XKR4: variants seen among roughly 807,000 people sequenced by gnomAD.
XKR4 encodes the protein XK related 4, also known as XK-related protein 4.
A neutral mutation model predicts 53.9 loss-of-function variants in XKR4; 12 were observed. That is an observed-to-expected ratio of 0.22 (90% CI 0.14 to 0.36). The LOEUF is 0.36. Among genes scored for constraint, XKR4 ranks in the 10% least tolerant of loss-of-function variants. XKR4 has a pLI of 1.00. For synonymous variants in XKR4, 354 were observed against 362.4 expected (o/e 0.98, Z 0.26); for missense variants, 799 against 859.5 (o/e 0.93, Z 0.88).
chr8:55,179,143 G>C (rs1339557863), intron 1 of XKR4, among the ~76,000 whole-genome samples: 2 of 152,080 alleles, frequency 1.3e-5, no homozygotes, highest in Non-Finnish European at 2.9e-5. Flanking sequence ...AAGTTTACTA[G>C]TAGAAAAAAA....
At chr8:55,194,104 C>G (rs1817476614) in intron 1 of XKR4, among the ~76,000 whole-genome samples, 1 of 152,228 alleles carries the variant, frequency 6.6e-6, no homozygotes, top group African/African-American at 2.4e-5. Context: ...GTGAGCCACT[C>G]TCTTTGAGTA....
intron 2 of XKR4, among the ~76,000 whole-genome samples, chr8:55,381,620 A>AC (rs1804234422): frequency 6.6e-6 from 1 of 152,000 alleles, no homozygotes; most frequent in Admixed American, 6.6e-5. Flanking sequence ...TTCTATCTGG[A>AC]CCCCCAGCCA....
intron 2 of XKR4, among the ~76,000 whole-genome samples, chr8:55,380,283 T>A (rs933459403): frequency 3.3e-5 from 5 of 152,122 alleles, no homozygotes; most frequent in African/African-American, 1.2e-4. Flanking sequence ...GGGAAAAAAA[T>A]CAGAAGACCG....
At chr8:55,492,092 T>C (rs544141344) in intron 2 of XKR4, among the ~76,000 whole-genome samples, 2 of 152,252 alleles carry the variant, frequency 1.3e-5, no homozygotes, top group South Asian at 4.2e-4. Flanking sequence ...TGTGCCACAG[T>C]TTAGAAGGTG....
chr8:55,475,474 T>A (rs1230890845), intron 2 of XKR4, among the ~76,000 whole-genome samples: 1 of 152,066 alleles, frequency 6.6e-6, no homozygotes, highest in Non-Finnish European at 1.5e-5. Flanking sequence ...TGGAGAGCAA[T>A]GGTGTGATCA....
chr8:55,259,039 T>C (rs1378328913), intron 1 of XKR4, among the ~76,000 whole-genome samples: 1 of 152,244 alleles, frequency 6.6e-6, no homozygotes, highest in African/African-American at 2.4e-5. Context: ...CAGGCATTCG[T>C]GTCCCTGCCT....
intron 1 of XKR4, among the ~76,000 whole-genome samples, chr8:55,230,641 T>C (rs1288930353): frequency 1.3e-5 from 2 of 152,242 alleles, no homozygotes; most frequent in African/African-American, 2.4e-5. Context: ...GTGCTGGGAT[T>C]ATAGGCATGA....
At chr8:55,420,641 G>C (rs532009930) in intron 2 of XKR4, among the ~76,000 whole-genome samples, 17 of 130,050 alleles carry the variant, frequency 1.3e-4, no homozygotes, top group African/African-American at 4.2e-4. Flanking sequence ...GTTGTGGGGT[G>C]GGGGGAGGGG....
At chr8:55,256,618 G>C (rs1001266184) in intron 1 of XKR4, among the ~76,000 whole-genome samples, 3 of 152,322 alleles carry the variant, frequency 2.0e-5, no homozygotes, top group Non-Finnish European at 2.9e-5. Context: ...CATTGAGAGA[G>C]AGAATGCTGA....
intron 1 of XKR4, among the ~76,000 whole-genome samples, chr8:55,325,487 C>T (rs948205962): frequency 1.3e-5 from 2 of 152,034 alleles, no homozygotes; most frequent in African/African-American, 4.8e-5. Flanking sequence ...AATAATTTAC[C>T]CTGCGGGGTC....
chr8:55,289,788 G>T (rs527907267), intron 1 of XKR4, among the ~76,000 whole-genome samples: 5 of 132,194 alleles, frequency 3.8e-5, no homozygotes, highest in African/African-American at 1.4e-4. Flanking sequence ...AGAGGGAGGG[G>T]GAGAGAGAGA....
At chr8:55,469,965 C>T (rs2975964) in intron 2 of XKR4, among the ~76,000 whole-genome samples, 3 of 151,972 alleles carry the variant, frequency 2.0e-5, no homozygotes, top group African/African-American at 2.4e-5. Context: ...GGAATGCAGT[C>T]TTGGAGAAGG....
rs186551590 is a variant in XKR4, at chr8:55,243,940, A to G, written c.807-113738A>G. Among the ~76,000 whole-genome samples, 9 of 152,316 alleles carry G rather than the reference A, an allele frequency of 5.9e-5. No homozygotes were observed. In the East Asian group the frequency reaches 1.7e-3, roughly 29 times the overall value. On this transcript the variant is annotated intron_variant, in intron 1 of 2. Coordinates refer to ENST00000327381, the MANE Select transcript of XKR4 (RefSeq NM_052898.2). ...CACACAATAAACACTAAATAAACAC[A>G]ACAGTAATTATTCTATGTGCGTGTG... is the stretch of plus-strand genomic sequence containing the variant.
At chr8:55,508,549 G>T (rs1018224645) in intron 2 of XKR4, among the ~76,000 whole-genome samples, 2 of 152,168 alleles carry the variant, frequency 1.3e-5, no homozygotes, top group African/African-American at 2.4e-5. Flanking sequence ...GGCCACCAGT[G>T]GGGAGAGGAC....
intron 1 of XKR4, among the ~76,000 whole-genome samples, chr8:55,167,159 G>C (rs1192233675): frequency 6.6e-6 from 1 of 152,330 alleles, no homozygotes; most frequent in South Asian, 2.1e-4. Flanking sequence ...CATGGCTTGA[G>C]CAAATGGCAG....
chr8:55,454,121 G>T (rs777396823), intron 2 of XKR4: 2 of 848,038 alleles, frequency 2.4e-6, no homozygotes, highest in African/African-American at 1.7e-5. Context: ...TGGAGGGAAG[G>T]CGAGGTCAAC....
chr8:55,407,053 G>A (rs1036474449), intron 2 of XKR4, among the ~76,000 whole-genome samples: 12 of 152,180 alleles, frequency 7.9e-5, no homozygotes, highest in African/African-American at 2.2e-4. Flanking sequence ...CAAGGACAGC[G>A]ATCCTTCTTT....
intron 2 of XKR4, among the ~76,000 whole-genome samples, chr8:55,369,954 G>A (rs1422039996): frequency 6.6e-5 from 10 of 152,070 alleles, no homozygotes; most frequent in Non-Finnish European, 1.0e-4. Context: ...CAGCTACTCA[G>A]GAGGCTGAGG....
At chr8:55,450,469 C>A in intron 2 of XKR4, 1 of 602,194 alleles carries the variant, frequency 1.7e-6, no homozygotes, top group Non-Finnish European at 3.1e-6. Flanking sequence ...GGCTCCTGCG[C>A]TGCCCCTTCT....
Sources: allele counts gnomAD v4.1 joint callset (sites outside exome capture counted in the v4.1 genomes callset), GRCh38; gene constraint gnomAD v4.1.1; transcripts MANE v1.5; gene names NCBI Gene and HGNC (gene_info 2026-07-23, HGNC 2026-07-21).